The following EDNRB variants were observed in gnomAD, a reference collection of about 807,000 sequenced individuals.
EDNRB encodes the protein Hirschsprung disease 2.
In EDNRB, 18 loss-of-function variants were observed where a neutral mutation model predicts 46.4. That is an observed-to-expected ratio of 0.39 (90% CI 0.27 to 0.57). The LOEUF is 0.57. Ranked by LOEUF, EDNRB falls within the 20% of genes least tolerant of loss-of-function variation. The probability of loss-of-function intolerance (pLI) is 0.61; values close to 1 mark genes in which losing one functional copy is unlikely to be tolerated. For synonymous variants in EDNRB, 213 were observed against 204.9 expected (o/e 1.04, Z -0.34); for missense variants, 434 against 537.5 (o/e 0.81, Z 1.90).
Position 77,903,315 on chromosome 13 carries a change from A to C in EDNRB, c.642T>G (p.Val214=). The part of the protein sequence containing the change: ...ASWSRIKGIG[V]PKWTAVEIVL... ...CAATTTCTACTGCTGTCCATTTTGG[A>C]ACCCCAATTCCTTTAATTCTACTCC... is the stretch of plus-strand genomic sequence containing the variant. Residue 214 remains valine, a synonymous_variant, in exon 3 of 7, where the codon GTT becomes GTG. Transcript: ENST00000646607. The C allele has an allele frequency of 1.2e-6, 2 of 1,612,996 alleles. No individual in the cohort carries two copies. The highest frequency in any genetic ancestry group is 8.5e-7 in the Non-Finnish European group (1 of 1,179,350).
chr13:77,956,514 T>G (rs540227414), intron 1 of EDNRB, among the ~76,000 whole-genome samples: 155 of 152,314 alleles, frequency 1.0e-3, no homozygotes, highest in Non-Finnish European at 1.8e-3. Context: ...CTTGCCTAAT[T>G]TGGAGTTCCA....
At chr13:77,906,501 T>C (rs1879287346) in intron 1 of EDNRB, among the ~76,000 whole-genome samples, 1 of 151,996 alleles carries the variant, frequency 6.6e-6, no homozygotes, top group Non-Finnish European at 1.5e-5. Context: ...CTGACACTAG[T>C]TCCTAAAGAA....
intron 1 of EDNRB, among the ~76,000 whole-genome samples, chr13:77,934,688 G>C (rs936623246): frequency 2.0e-5 from 3 of 150,076 alleles, no homozygotes; most frequent in Admixed American, 6.6e-5. Flanking sequence ...AAGGGGGGGG[G>C]GGGCCTGAAT....
chr13:77,903,709 T>A, intron 1 of EDNRB, 102 bp from the exon 2 acceptor site: 3 of 973,224 alleles, frequency 3.1e-6, no homozygotes, highest in South Asian at 1.3e-5. Flanking sequence ...TAGGATAAAC[T>A]CTGGTTGTCA....
chr13:77,898,157 G>A lies in EDNRB; in HGVS notation c.*43C>T, dbSNP rs768437943. 1.4e-5 allele frequency: 23 copies of A among 1,602,206 alleles called. No individual in the cohort carries two copies. The highest frequency in any genetic ancestry group is 5.4e-5 in the African/African-American group (4 of 74,526). ...TGTTTCATTTTGTTTTAATGACTTC[G>A]GTCCAATATAAAGAAAATGAAATAC... On this transcript the variant is annotated 3_prime_UTR_variant, in exon 7 of 7. Transcript: ENST00000646607.
At chr13:77,902,194 G>C (rs12720192) in intron 3 of EDNRB, among the ~76,000 whole-genome samples, 3 of 151,924 alleles carry the variant, frequency 2.0e-5, no homozygotes, top group Admixed American at 2.0e-4. Context: ...ATCCATATCA[G>C]GGTGACTTCT....
At chr13:77,953,799 G>C (rs566783276) in intron 1 of EDNRB, among the ~76,000 whole-genome samples, 10 of 152,176 alleles carry the variant, frequency 6.6e-5, no homozygotes, top group African/African-American at 2.4e-4. Flanking sequence ...ATCTGAACTC[G>C]GATGGCTGTG....
intron 1 of EDNRB, among the ~76,000 whole-genome samples, chr13:77,943,201 T>C (rs1880802774): frequency 6.6e-6 from 1 of 152,150 alleles, no homozygotes; most frequent in Non-Finnish European, 1.5e-5. Flanking sequence ...GTGGATATAG[T>C]AATTGACTTA....
At chr13:77,956,147 C>T (rs1353838621) in intron 1 of EDNRB, among the ~76,000 whole-genome samples, 1 of 152,118 alleles carries the variant, frequency 6.6e-6, no homozygotes, top group African/African-American at 2.4e-5. Flanking sequence ...TAATTCTTCT[C>T]ATCCATAAAC....
At chr13:77,912,681 A>G (rs978036577) in intron 1 of EDNRB, among the ~76,000 whole-genome samples, 2 of 152,130 alleles carry the variant, frequency 1.3e-5, no homozygotes, top group Non-Finnish European at 2.9e-5. Context: ...AGGTCATTCA[A>G]GCTAAAAGCC....
At chr13:77,968,298 A>G (rs752439130) in intron 1 of EDNRB, among the ~76,000 whole-genome samples, 1 of 152,142 alleles carries the variant, frequency 6.6e-6, no homozygotes, top group Non-Finnish European at 1.5e-5. Flanking sequence ...CTGGAATTAG[A>G]ATCCTTTTAT....
chr13:77,919,580 G>A (rs1444098437), upstream of EDNRB: 7 of 1,611,634 alleles, frequency 4.3e-6, no homozygotes, highest in Non-Finnish European at 5.1e-6. Flanking sequence ...GTTTGCTCGG[G>A]GTCTCTGCTG....
chr13:77,963,215 A>G (rs1048707306), intron 1 of EDNRB, among the ~76,000 whole-genome samples: 4 of 152,236 alleles, frequency 2.6e-5, no homozygotes, highest in Non-Finnish European at 5.9e-5. Context: ...TATAGAGTCA[A>G]TGCCATCCCC....
intron 3 of EDNRB, among the ~76,000 whole-genome samples, chr13:77,902,313 C>T (rs1879036651): frequency 6.6e-6 from 1 of 151,886 alleles, no homozygotes; most frequent in African/African-American, 2.4e-5. Context: ...CAGTAAATTC[C>T]TCTTCAAAGA....
chr13:77,937,558 G>T (rs1000238309), intron 1 of EDNRB, among the ~76,000 whole-genome samples: 1 of 152,142 alleles, frequency 6.6e-6, no homozygotes, highest in Non-Finnish European at 1.5e-5. Flanking sequence ...AGGTCTGATA[G>T]AGAAAAAGGT....
At chr13:77,922,338 T>C (rs1244850040), upstream of EDNRB, among the ~76,000 whole-genome samples, 1 of 152,236 alleles carries the variant, frequency 6.6e-6, no homozygotes, top group Non-Finnish European at 1.5e-5. Context: ...GGAATTCATT[T>C]CTCAAAGAGG....
At chr13:77,911,522 G>A (rs1175970370) in intron 1 of EDNRB, among the ~76,000 whole-genome samples, 1 of 152,030 alleles carries the variant, frequency 6.6e-6, no homozygotes, top group African/African-American at 2.4e-5. Context: ...ACAGAAGTGG[G>A]GAAAAGACAC....
At chr13:77,964,070 G>C (rs1410691529) in intron 1 of EDNRB, among the ~76,000 whole-genome samples, 1 of 152,172 alleles carries the variant, frequency 6.6e-6, no homozygotes, top group Non-Finnish European at 1.5e-5. Flanking sequence ...ACCACAATGA[G>C]ATACCATCTC....
chr13:77,949,870 T>G (rs190010155), intron 1 of EDNRB, among the ~76,000 whole-genome samples: 1 of 152,250 alleles, frequency 6.6e-6, no homozygotes, highest in East Asian at 1.9e-4. Context: ...AACCTTCCCA[T>G]AGTTAACAGG....
Sources: allele counts gnomAD v4.1 joint callset (sites outside exome capture counted in the v4.1 genomes callset), GRCh38; gene constraint gnomAD v4.1.1; transcripts MANE v1.5; gene names NCBI Gene and HGNC (gene_info 2026-07-23, HGNC 2026-07-21).